SOCS4: variants seen among roughly 807,000 people sequenced by gnomAD.
SOCS4 encodes the protein suppressor of cytokine signaling 4.
A neutral mutation model predicts 34.1 loss-of-function variants in SOCS4; 20 were observed. The ratio of observed to expected loss-of-function variants is 0.59; its 90% CI spans 0.41 to 0.85. The LOEUF (loss-of-function observed/expected upper bound fraction) is 0.85. Ranked by LOEUF, SOCS4 falls within the 40% of genes least tolerant of loss-of-function variation. SOCS4 has a pLI of 0.00. For synonymous variants in SOCS4, 180 were observed against 186.4 expected, an observed-to-expected ratio of 0.97 and a Z score of 0.28; for missense variants, 479 against 532.4, an observed-to-expected ratio of 0.90 and a Z score of 0.99.
At chr14:55,041,517 C>T (rs934416393) in intron 2 of SOCS4, among the ~76,000 whole-genome samples, 3 of 151,690 alleles carry the variant, frequency 2.0e-5, no homozygotes, top group Admixed American at 1.3e-4. Flanking sequence ...CTTGCTCTGT[C>T]ACCCAGGCTG....
Position 55,045,520 on chromosome 14 carries a change from AAAAG to A in SOCS4, c.*1161_*1164del, listed in dbSNP as rs1445925104. 4.2e-5 allele frequency: 7 copies of A among 167,126 alleles called. No individual in the cohort carries two copies. In the South Asian group the frequency reaches 6.2e-4, roughly 15 times the overall value. 10.4% of individuals were successfully genotyped at this position (167,126 alleles called of 1,614,324 possible). A position where few individuals can be genotyped will look rare whatever the true frequency, so the allele number is the denominator to read the frequency against. ...ACTTAGTCTGTAATGTGGCTTCAAA[AAAAG>A]AAAGCCTTTTGACAGCTACATGACT... On this transcript the variant is annotated 3_prime_UTR_variant, in exon 3 of 3. Coordinates refer to ENST00000555846, the MANE Select transcript of SOCS4 (RefSeq NM_199421.2).
chr14:55,040,853 A>G (rs2042611717), intron 2 of SOCS4, among the ~76,000 whole-genome samples: 1 of 151,400 alleles, frequency 6.6e-6, no homozygotes, highest in Non-Finnish European at 1.5e-5. Flanking sequence ...GAACCCATGG[A>G]TATGGAGGGC....
At position 55,049,147 on chromosome 14, in the gene SOCS4, A is replaced by G. The variant is rs1279769711; in HGVS notation, c.*4783A>G. On this transcript the variant is annotated 3_prime_UTR_variant, in exon 3 of 3. Transcript: ENST00000555846. Reference sequence around the variant, plus strand: ...ACGTTTTCAGAAAATAAAGATAATCACTTTTGCCATGGTTATAATCAAATC... The same window carrying G: ...ACGTTTTCAGAAAATAAAGATAATCGCTTTTGCCATGGTTATAATCAAATC... 1 of 166,952 alleles carries G rather than the reference A, an allele frequency of 6.0e-6. No homozygotes were observed. The highest frequency in any genetic ancestry group is 1.5e-5 in the Non-Finnish European group (1 of 68,108). The allele number at this position is 166,952 out of a possible 1,614,324, so 10.3% of individuals were successfully genotyped here.
chr14:55,035,254 C>G (rs1026995321), intron 2 of SOCS4, among the ~76,000 whole-genome samples: 2 of 123,882 alleles, frequency 1.6e-5, no homozygotes, highest in African/African-American at 7.3e-5. Flanking sequence ...ACAGCATTAG[C>G]ACACGTAAAA....
chr14:55,043,477 T>G lies in SOCS4; in HGVS notation c.436T>G (p.Phe146Val), dbSNP rs757924191. The change falls in exon 3 of 3, where the codon TTT becomes GTT. Residue 146 changes from phenylalanine (F) to valine (V), a missense_variant. Phe to Val is a conservative substitution (Grantham distance 50). Coordinates refer to ENST00000555846, the MANE Select transcript of SOCS4 (RefSeq NM_199421.2). ...PRSDLAFRWH[F>V]IKRHTAPINS... Reference sequence around the variant, plus strand: ...ATCAGATTTAGCCTTTAGGTGGCATTTTATTAAACGACACACTGCTCCTAT... The same window carrying G: ...ATCAGATTTAGCCTTTAGGTGGCATGTTATTAAACGACACACTGCTCCTAT... The G allele has an allele frequency of 6.2e-7, 1 of 1,614,194 alleles. No individual in the cohort carries two copies. Among genetic ancestry groups the G allele is most frequent in the South Asian group, 1.1e-5 (1 of 91,086 alleles).
In SOCS4 at chr14:55,043,860, T is replaced by A. The variant is rs748377785; in HGVS notation, c.819T>A (p.Cys273Ter). Residue 273 changes from cysteine to a stop codon, truncating the protein, a stop_gained, in exon 3 of 3, where the codon TGT becomes TGA. Transcript: ENST00000555846. LOFTEE classifies it high-confidence loss of function. The stretch of plus-strand genomic sequence containing the variant: ...ACACGCAGATTGATTATGTCCACTG[T>A]CTTGTACCAGACCTCCTTCAGATCA... ...KYHTQIDYVH[C>*]LVPDLLQINN... is the part of the protein sequence containing the mutation. The A allele has an allele frequency of 6.2e-7, 1 of 1,614,190 alleles. No homozygotes were observed. Among genetic ancestry groups the A allele is most frequent in the Non-Finnish European group, 8.5e-7 (1 of 1,180,026 alleles).
At chr14:55,038,660 G>A (rs1457566461) in intron 2 of SOCS4, among the ~76,000 whole-genome samples, 1 of 152,116 alleles carries the variant, frequency 6.6e-6, no homozygotes, top group Non-Finnish European at 1.5e-5. Flanking sequence ...AAAGTCCTGA[G>A]CCCACCTAGT....
At chr14:55,029,727 G>A (rs2042511637) in intron 1 of SOCS4, among the ~76,000 whole-genome samples, 1 of 152,038 alleles carries the variant, frequency 6.6e-6, no homozygotes, top group South Asian at 2.1e-4. Context: ...CCAAAGTATT[G>A]AAAAAAGAAA....
chr14:55,031,229 C>T (rs574538086), intron 1 of SOCS4, among the ~76,000 whole-genome samples: 4 of 152,240 alleles, frequency 2.6e-5, no homozygotes, highest in Non-Finnish European at 4.4e-5. Flanking sequence ...ACTGCCAGCT[C>T]GTAGTTTCTG....
intron 2 of SOCS4, among the ~76,000 whole-genome samples, chr14:55,036,994 T>C (rs190321313): frequency 2.0e-5 from 3 of 151,958 alleles, no homozygotes; most frequent in Admixed American, 6.5e-5. Flanking sequence ...CATGCACCTG[T>C]AGTCCCAGTT....
intron 2 of SOCS4, among the ~76,000 whole-genome samples, chr14:55,041,655 A>G (rs527289043): frequency 2.0e-5 from 3 of 150,674 alleles, no homozygotes; most frequent in Non-Finnish European, 4.4e-5. Flanking sequence ...TTGTATTTTT[A>G]ATAGAGACAG....
In SOCS4 at chr14:55,048,368, A is replaced by G. The variant is rs1044986511; in HGVS notation, c.*4004A>G. ...ATTATAAGAGATTCCTGGAGACAACACAAGGAAAACAATGTTTAAAAGCAA... is the reference window on the plus strand; with the variant it reads ...ATTATAAGAGATTCCTGGAGACAACGCAAGGAAAACAATGTTTAAAAGCAA... On this transcript the variant is annotated 3_prime_UTR_variant, in exon 3 of 3. Coordinates refer to ENST00000555846, the MANE Select transcript of SOCS4 (RefSeq NM_199421.2). The G allele has an allele frequency of 1.2e-5, 2 of 167,134 alleles. No homozygotes were observed. Among genetic ancestry groups the G allele is most frequent in the African/African-American group, 4.8e-5 (2 of 41,474 alleles). 10.4% of individuals were successfully genotyped at this position (167,134 alleles called of 1,614,324 possible).
chr14:55,044,329 G>T lies in SOCS4; in HGVS notation c.1288G>T (p.Val430Leu), dbSNP rs761972659. ...KEYHYKSKVR[V>L]LRIDAPEQQC Reference sequence around the variant, plus strand: ...ATATCATTATAAATCAAAAGTTAGAGTACTCAGGATTGATGCACCAGAACA... The same window carrying T: ...ATATCATTATAAATCAAAAGTTAGATTACTCAGGATTGATGCACCAGAACA... Residue 430 changes from valine (V) to leucine (L), a missense_variant, in exon 3 of 3, where the codon GTA becomes TTA. Physicochemically the swap from Val to Leu is conservative, Grantham distance 32. Transcript: ENST00000555846. 1 of 1,612,974 alleles carries T rather than the reference G, an allele frequency of 6.2e-7. No individual in the cohort carries two copies. Among genetic ancestry groups the T allele is most frequent in the Non-Finnish European group, 8.5e-7 (1 of 1,179,408 alleles).
Position 55,043,638 on chromosome 14 carries a change from C to CACCG in SOCS4, c.600_603dup (p.Asn202ArgfsTer6), listed in dbSNP as rs1434838797. On this transcript the variant is annotated frameshift_variant, in exon 3 of 3. Coordinates refer to ENST00000555846, the MANE Select transcript of SOCS4 (RefSeq NM_199421.2). LOFTEE classifies it high-confidence loss of function. ...CCAATGTTCAGCCCTGTGTCATAAC[C>CACCG]ACCGACAATGCTTTGTGTAGAGAAG... The CACCG allele has an allele frequency of 6.2e-7, 1 of 1,613,942 alleles. No homozygotes were observed. The highest frequency in any genetic ancestry group is 1.3e-5 in the African/African-American group (1 of 74,870).
rs2042676809 is a variant in SOCS4 at position 55,046,413 on chromosome 14, T to C, written c.*2049T>C. Reference sequence around the variant, plus strand: ...ATATTTTTCTTTTAAAAATAACTTTTTATCAGTACAGAAAAACCTAAGGGA... The same window carrying C: ...ATATTTTTCTTTTAAAAATAACTTTCTATCAGTACAGAAAAACCTAAGGGA... On this transcript the variant is annotated 3_prime_UTR_variant, in exon 3 of 3. Coordinates refer to ENST00000555846, the MANE Select transcript of SOCS4 (RefSeq NM_199421.2). The C allele has an allele frequency of 6.0e-6, 1 of 166,986 alleles. No homozygotes were observed. The highest frequency in any genetic ancestry group is 1.5e-5 in the Non-Finnish European group (1 of 68,030). 10.3% of individuals were successfully genotyped at this position (166,986 alleles called of 1,614,324 possible).
intron 1 of SOCS4, 34 bp downstream of exon 1, chr14:55,027,505 C>T (rs1440673439): frequency 6.5e-6 from 1 of 152,986 alleles, no homozygotes; most frequent in Non-Finnish European, 1.5e-5. Flanking sequence ...TGCCTGGCCT[C>T]GCAGGCCGGG....
intron 1 of SOCS4, among the ~76,000 whole-genome samples, chr14:55,029,711 A>G (rs1260344180): frequency 1.3e-5 from 2 of 152,198 alleles, no homozygotes; most frequent in African/African-American, 4.8e-5. Flanking sequence ...ACAATAGCCA[A>G]GGAGACCAAA....
At position 55,048,385 on chromosome 14, in the gene SOCS4, T is replaced by A. The variant is rs2042695591; in HGVS notation, c.*4021T>A. 1 of 167,082 alleles carries A rather than the reference T, an allele frequency of 6.0e-6. No homozygotes were observed. The highest frequency in any genetic ancestry group is 1.5e-5 in the Non-Finnish European group (1 of 68,124). 10.3% of individuals were successfully genotyped at this position (167,082 alleles called of 1,614,324 possible). A position where few individuals can be genotyped will look rare whatever the true frequency, so the allele number is the denominator to read the frequency against. On this transcript the variant is annotated 3_prime_UTR_variant, in exon 3 of 3. Coordinates refer to ENST00000555846, the MANE Select transcript of SOCS4 (RefSeq NM_199421.2). Reference sequence around the variant, plus strand: ...GAGACAACACAAGGAAAACAATGTTTAAAAGCAAAATAGCCTGTGTAATGT... The same window carrying A: ...GAGACAACACAAGGAAAACAATGTTAAAAAGCAAAATAGCCTGTGTAATGT...
Position 55,045,736 on chromosome 14 carries a change from T to G in SOCS4, c.*1372T>G, listed in dbSNP as rs1229823393. 2 of 167,066 alleles carry G rather than the reference T, an allele frequency of 1.2e-5. No individual in the cohort carries two copies. Among genetic ancestry groups the G allele is most frequent in the African/African-American group, 2.4e-5 (1 of 41,572 alleles). The allele number at this position is 167,066 out of a possible 1,614,324, so 10.3% of individuals were successfully genotyped here. A position where few individuals can be genotyped will look rare whatever the true frequency, so the allele number is the denominator to read the frequency against. On this transcript the variant is annotated 3_prime_UTR_variant, in exon 3 of 3. Transcript: ENST00000555846. ...ATGTAGATAGACAATTTTCTTCTGGTGAGCTGTCTAACCCTTTGTACACAT... is the reference window on the plus strand; with the variant it reads ...ATGTAGATAGACAATTTTCTTCTGGGGAGCTGTCTAACCCTTTGTACACAT...
Sources: gnomAD v4.1 joint callset for allele counts (sites outside exome capture counted in the v4.1 genomes callset) on GRCh38, gnomAD v4.1.1 for gene constraint, MANE v1.5 for transcripts, NCBI Gene and HGNC (gene_info 2026-07-23, HGNC 2026-07-21) for gene names.